Variants in ANKRD6 observed in about 807,000 individuals in gnomAD.
ANKRD6 encodes ankyrin repeat domain 6.
ANKRD6 carries 56 observed loss-of-function variants against 82.3 expected under a neutral mutation model. The ratio of observed to expected loss-of-function variants is 0.68; its 90% confidence interval spans 0.55 to 0.85. ANKRD6 has a LOEUF of 0.85. Among genes scored for constraint, ANKRD6 ranks in the 40% least tolerant of loss-of-function variants. ANKRD6 has a pLI of 0.00. For synonymous variants in ANKRD6, 347 were observed against 352.1 expected (o/e 0.99, Z 0.16); for missense variants, 852 against 907.6 (o/e 0.94, Z 0.79).
intron 1 of ANKRD6, among the ~76,000 whole-genome samples, chr6:89,508,050 A>G (rs1409737668): frequency 1.3e-5 from 2 of 152,198 alleles, no homozygotes; most frequent in African/African-American, 2.4e-5. Context: ...CATAAATTCT[A>G]TATTTTATTA....
At chr6:89,579,243 A>G (rs571907654) in intron 2 of ANKRD6, among the ~76,000 whole-genome samples, 1 of 152,334 alleles carries the variant, frequency 6.6e-6, no homozygotes, top group South Asian at 2.1e-4. Context: ...AATAGTAGCT[A>G]CCTCATTAGG....
At chr6:89,561,857 A>G (rs559566215) in intron 1 of ANKRD6, among the ~76,000 whole-genome samples, 2 of 152,284 alleles carry the variant, frequency 1.3e-5, no homozygotes, top group East Asian at 3.9e-4. Flanking sequence ...GTCTCCAGCT[A>G]TTCTCCTGCC....
chr6:89,612,515 G>T (rs758608741), intron 6 of ANKRD6, 145 bp downstream of exon 6: 202 of 821,864 alleles, frequency 2.5e-4, no homozygotes, highest in Middle Eastern at 2.4e-4. Flanking sequence ...TCTTTTTTTG[G>T]CAATTTTCTA....
chr6:89,612,311 C>T lies in ANKRD6; in HGVS notation c.457C>T (p.His153Tyr), dbSNP rs1380765057. The T allele has an allele frequency of 6.4e-7, 1 of 1,566,114 alleles. No individual in the cohort carries two copies. The highest frequency in any genetic ancestry group is 8.7e-7 in the Non-Finnish European group (1 of 1,154,804). ...TALHLACQNS[H>Y]SQSTRVLLLA... Reference sequence around the variant, plus strand: ...TCTGCACCTGGCCTGCCAGAACAGCCACTCCCAGAGCACGCGCGTCCTCCT... The same window carrying T: ...TCTGCACCTGGCCTGCCAGAACAGCTACTCCCAGAGCACGCGCGTCCTCCT... The change falls in exon 6 of 16, where the codon CAC becomes TAC. Residue 153 changes from histidine (H) to tyrosine (Y), a missense_variant. By Grantham distance (83) the His-to-Tyr change is moderately conservative. Coordinates refer to ENST00000339746, the MANE Select transcript of ANKRD6 (RefSeq NM_001242809.2).
At chr6:89,469,446 C>A (rs1775211906) in intron 1 of ANKRD6, among the ~76,000 whole-genome samples, 1 of 152,134 alleles carries the variant, frequency 6.6e-6, no homozygotes, top group Non-Finnish European at 1.5e-5. Context: ...ACACCCCTCC[C>A]AAAATTCCTC....
chr6:89,545,073 C>T (rs369003295), intron 1 of ANKRD6, among the ~76,000 whole-genome samples: 70 of 151,838 alleles, frequency 4.6e-4, no homozygotes, highest in Admixed American at 3.0e-3. Context: ...ATTAGCAGGG[C>T]GTGGTGGCGG....
rs1445342680 is a variant in ANKRD6, at chr6:89,543,777, G to GT, written c.-143-23056dup. Among the ~76,000 whole-genome samples, 5 of 152,140 alleles carry GT rather than the reference G, an allele frequency of 3.3e-5. No homozygotes were observed. The East Asian group carries it at 9.6e-4, about 29-fold the overall frequency. On this transcript the variant is annotated intron_variant, in intron 1 of 15. Transcript: ENST00000339746. The stretch of plus-strand genomic sequence containing the variant: ...GCTCCCTCTCTTTTATACAAGTCAG[G>GT]TAACACACGTGTCAGTTTCTGTCTA...
At chr6:89,513,042 C>T (rs991017092) in intron 1 of ANKRD6, among the ~76,000 whole-genome samples, 11 of 151,924 alleles carry the variant, frequency 7.2e-5, no homozygotes, top group South Asian at 2.1e-4. Flanking sequence ...CTCCTGCCTC[C>T]GCTTCCTGAG....
intron 2 of ANKRD6, among the ~76,000 whole-genome samples, chr6:89,591,200 CTCCA>C (rs1456395546): frequency 3.3e-5 from 5 of 152,168 alleles, no homozygotes; most frequent in Non-Finnish European, 4.4e-5. Flanking sequence ...ATTTCCTGGG[CTCCA>C]TCCATCCAGC....
rs1382796350 is a variant in ANKRD6, at chr6:89,523,601, C to T, written c.-143-43233C>T. Among the ~76,000 whole-genome samples the T allele has an allele frequency of 5.3e-5, 8 of 152,208 alleles. No individual in the cohort carries two copies. The East Asian group carries it at 1.5e-3, about 29-fold the overall frequency. On this transcript the variant is annotated intron_variant, in intron 1 of 15. Coordinates refer to ENST00000339746, the MANE Select transcript of ANKRD6 (RefSeq NM_001242809.2). ...TCTGGATCCAGAATTCAGTTTTTAC[C>T]ATAAGTCCAGTATTTCCTTGGTTCT...
At chr6:89,577,777 A>G (rs1791468188) in intron 2 of ANKRD6, among the ~76,000 whole-genome samples, 2 of 152,350 alleles carry the variant, frequency 1.3e-5, no homozygotes, top group Admixed American at 6.5e-5. Flanking sequence ...TGATTGTGCC[A>G]CTGCACTCCA....
intron 1 of ANKRD6, among the ~76,000 whole-genome samples, chr6:89,515,534 A>T (rs1025912838): frequency 1.3e-5 from 2 of 152,224 alleles, no homozygotes; most frequent in Non-Finnish European, 2.9e-5. Flanking sequence ...CCTGCCAAAG[A>T]CATACTCATT....
At chr6:89,611,034 C>A (rs569929611) in intron 5 of ANKRD6, among the ~76,000 whole-genome samples, 8 of 152,098 alleles carry the variant, frequency 5.3e-5, no homozygotes, top group African/African-American at 1.9e-4. Context: ...TGAGAACCAG[C>A]GAGCCTGCTA....
At position 89,485,818 on chromosome 6, in the gene ANKRD6, T is replaced by G. The variant is rs1486477829; in HGVS notation, c.-144+52443T>G. Among the ~76,000 whole-genome samples the G allele has an allele frequency of 3.3e-5, 5 of 152,200 alleles. No individual in the cohort carries two copies. The East Asian group carries it at 5.8e-4, about 18-fold the overall frequency. ...TAAATGAAAGTCACACAGGAAAGCTTCTCTCTGGATTGTCTTTTTGTAGAA... is the reference window on the plus strand; with the variant it reads ...TAAATGAAAGTCACACAGGAAAGCTGCTCTCTGGATTGTCTTTTTGTAGAA... On this transcript the variant is annotated intron_variant, in intron 1 of 15. Coordinates refer to ENST00000339746, the MANE Select transcript of ANKRD6 (RefSeq NM_001242809.2).
rs1462841714 is a variant in ANKRD6, at chr6:89,470,551, G to T, written c.-144+37176G>T. ...CAAGAGGATTGTTTGCACCCCAGAA[G>T]TCAAGGCTGCAGTGAGCTGAGATCG... On this transcript the variant is annotated intron_variant, in intron 1 of 15. Coordinates refer to ENST00000339746, the MANE Select transcript of ANKRD6 (RefSeq NM_001242809.2). Among the ~76,000 whole-genome samples the T allele has an allele frequency of 2.0e-5, 3 of 152,158 alleles. No homozygotes were observed. In the East Asian group the frequency reaches 5.8e-4, roughly 29 times the overall value.
At chr6:89,504,262 A>C (rs1425580754) in intron 1 of ANKRD6, among the ~76,000 whole-genome samples, 3 of 152,096 alleles carry the variant, frequency 2.0e-5, no homozygotes, top group African/African-American at 7.2e-5. Context: ...GATCGTATCC[A>C]TTTAATAATA....
intron 1 of ANKRD6, among the ~76,000 whole-genome samples, chr6:89,537,879 CAA>C (rs55864526): frequency 0.012 from 1,344 of 110,718 alleles, 7 homozygotes; most frequent in African/African-American, 0.041. Flanking sequence ...GACAATGTCT[CAA>C]AAAAAAAAAA....
intron 9 of ANKRD6, 148 bp downstream of exon 9, chr6:89,618,179 C>T (rs1261981147): frequency 1.1e-6 from 1 of 870,382 alleles, no homozygotes; most frequent in South Asian, 1.4e-5. Context: ...CATGGGGGCC[C>T]AGGATGACGG....
At chr6:89,516,231 G>T (rs1341138177) in intron 1 of ANKRD6, among the ~76,000 whole-genome samples, 2 of 152,140 alleles carry the variant, frequency 1.3e-5, no homozygotes, top group Non-Finnish European at 2.9e-5. Context: ...GTGTGGATGG[G>T]GATCATTCAA....
Sources: allele counts gnomAD v4.1 joint callset (sites outside exome capture counted in the v4.1 genomes callset), GRCh38; gene constraint gnomAD v4.1.1; transcripts MANE v1.5; gene names NCBI Gene and HGNC (gene_info 2026-07-23, HGNC 2026-07-21).